SLC35F3: variants seen among roughly 807,000 people sequenced by gnomAD.
The protein encoded by SLC35F3 is putative thiamine transporter SLC35F3.
A neutral mutation model predicts 49.9 loss-of-function variants in SLC35F3; 25 were observed. The observed-to-expected ratio is 0.50, with a 90% CI of 0.37 to 0.70. SLC35F3 has a LOEUF of 0.70. Among genes scored for constraint, SLC35F3 ranks in the 30% least tolerant of loss-of-function variants. The pLI is 0.00. For synonymous variants in SLC35F3, 275 were observed against 265.4 expected (o/e 1.04, Z -0.35); for missense variants, 525 against 639.8 (o/e 0.82, Z 1.94).
At chr1:234,209,627 G>A (rs562935709) in intron 2 of SLC35F3, among the ~76,000 whole-genome samples, 59 of 152,230 alleles carry the variant, frequency 3.9e-4, no homozygotes, top group African/African-American at 1.3e-3. Flanking sequence ...ATAGGGCAGG[G>A]CAGCTGTTGA....
chr1:233,945,332 T>C (rs553018200), intron 2 of SLC35F3, among the ~76,000 whole-genome samples: 1 of 152,232 alleles, frequency 6.6e-6, no homozygotes, highest in East Asian at 1.9e-4. Context: ...AATTCAGCAC[T>C]AAGGAAATAG....
At chr1:234,045,184 C>A (rs1664271749) in intron 2 of SLC35F3, among the ~76,000 whole-genome samples, 1 of 152,166 alleles carries the variant, frequency 6.6e-6, no homozygotes, top group African/African-American at 2.4e-5. Flanking sequence ...CCTCTCCAGA[C>A]ATAACCCATG....
At chr1:234,243,431 T>A (rs760721016) in intron 3 of SLC35F3, among the ~76,000 whole-genome samples, 27 of 152,224 alleles carry the variant, frequency 1.8e-4, no homozygotes, top group Non-Finnish European at 2.5e-4. Flanking sequence ...CCGACTGTTA[T>A]TAAAGTTGGA....
At chr1:234,196,292 T>C (rs1373818393) in intron 2 of SLC35F3, among the ~76,000 whole-genome samples, 1 of 152,242 alleles carries the variant, frequency 6.6e-6, no homozygotes, top group Non-Finnish European at 1.5e-5. Flanking sequence ...TTGCATGTAA[T>C]TAAAAGTGGA....
intron 2 of SLC35F3, among the ~76,000 whole-genome samples, chr1:234,164,589 C>T (rs1396962629): frequency 6.6e-6 from 1 of 152,106 alleles, no homozygotes; most frequent in African/African-American, 2.4e-5. Flanking sequence ...AAAATACAGA[C>T]ATCAAAGCTG....
At chr1:234,036,783 A>C (rs144624703) in intron 2 of SLC35F3, among the ~76,000 whole-genome samples, 4 of 152,328 alleles carry the variant, frequency 2.6e-5, no homozygotes, top group African/African-American at 9.6e-5. Context: ...CCTCACTTCC[A>C]AAGGTATTCA....
intron 5 of SLC35F3, 27 bp from the exon 6 acceptor site, chr1:234,318,724 C>A (rs373636643): frequency 6.2e-7 from 1 of 1,605,070 alleles, no homozygotes; most frequent in Admixed American, 1.7e-5. Context: ...GAGCCTTCAC[C>A]CCGTCCTCCT....
intron 2 of SLC35F3, among the ~76,000 whole-genome samples, chr1:233,979,999 G>T (rs567154020): frequency 3.3e-5 from 5 of 152,338 alleles, no homozygotes; most frequent in African/African-American, 1.2e-4. Flanking sequence ...CACCAGTTGT[G>T]CCCCTCTAAG....
At chr1:234,074,927 C>T (rs1664772146) in intron 2 of SLC35F3, among the ~76,000 whole-genome samples, 3 of 152,134 alleles carry the variant, frequency 2.0e-5, no homozygotes, top group Non-Finnish European at 4.4e-5. Flanking sequence ...TAAGGAAAGT[C>T]AACTAAAGGC....
intron 1 of SLC35F3, 41 bp from the exon 2 acceptor site, chr1:233,905,488 C>T (rs377726718): frequency 1.6e-4 from 236 of 1,448,758 alleles, no homozygotes; most frequent in Non-Finnish European, 2.1e-4. Context: ...TGTCCATGCT[C>T]CCCCTGCCCA....
chr1:234,035,820 T>C (rs1664132888), intron 2 of SLC35F3, among the ~76,000 whole-genome samples: 1 of 152,254 alleles, frequency 6.6e-6, no homozygotes, highest in Non-Finnish European at 1.5e-5. Context: ...ATATTTTCTC[T>C]TATCTCTTTG....
chr1:234,218,678 C>T (rs1008475060), intron 2 of SLC35F3, among the ~76,000 whole-genome samples: 19 of 152,170 alleles, frequency 1.2e-4, no homozygotes, highest in African/African-American at 4.6e-4. Context: ...TACCTGGCTG[C>T]AAATGTTGCA....
chr1:234,288,255 G>C (rs111822595), intron 3 of SLC35F3, among the ~76,000 whole-genome samples: 7 of 152,070 alleles, frequency 4.6e-5, no homozygotes, highest in African/African-American at 1.7e-4. Flanking sequence ...GACCCTCCCC[G>C]CCGCCACTTT....
At chr1:233,995,332 G>A (rs952070021) in intron 2 of SLC35F3, among the ~76,000 whole-genome samples, 2 of 152,204 alleles carry the variant, frequency 1.3e-5, no homozygotes, top group African/African-American at 4.8e-5. Flanking sequence ...AGAATGGTTT[G>A]TTGTGAAGGA....
chr1:234,287,007 C>G (rs1668431639), intron 3 of SLC35F3, among the ~76,000 whole-genome samples: 1 of 152,004 alleles, frequency 6.6e-6, no homozygotes, highest in Admixed American at 6.6e-5. Context: ...TGTTACCCAG[C>G]CTACAAAAGT....
intron 4 of SLC35F3, among the ~76,000 whole-genome samples, chr1:234,313,771 A>G (rs939913697): frequency 6.6e-6 from 1 of 152,170 alleles, no homozygotes; most frequent in Non-Finnish European, 1.5e-5. Context: ...TGGCCTTCCT[A>G]GAGAGTTTGT....
At chr1:234,006,043 C>A (rs1020343784) in intron 2 of SLC35F3, among the ~76,000 whole-genome samples, 3 of 152,130 alleles carry the variant, frequency 2.0e-5, no homozygotes, top group Non-Finnish European at 4.4e-5. Context: ...ACTTCACTAC[C>A]TCGATACTTC....
At chr1:234,010,846 T>C (rs1298438255) in intron 2 of SLC35F3, among the ~76,000 whole-genome samples, 1 of 152,046 alleles carries the variant, frequency 6.6e-6, no homozygotes, top group South Asian at 2.1e-4. Context: ...TGTCAAAAAC[T>C]ATAAAAAGAG....
intron 2 of SLC35F3, among the ~76,000 whole-genome samples, chr1:234,130,933 G>A (rs1318433107): frequency 8.0e-6 from 1 of 124,684 alleles, no homozygotes; most frequent in Non-Finnish European, 2.0e-5. Flanking sequence ...ACAATAGAAT[G>A]GATAAAAAAA....
Sources: allele counts gnomAD v4.1 joint callset (sites outside exome capture counted in the v4.1 genomes callset), GRCh38; gene constraint gnomAD v4.1.1; transcripts MANE v1.5; gene names NCBI Gene and HGNC (gene_info 2026-07-23, HGNC 2026-07-21).